Variants in TASP1 observed in about 807,000 individuals in gnomAD.
The protein encoded by TASP1 is taspase 1.
TASP1 carries 16 observed loss-of-function variants against 56.6 expected under a neutral mutation model. The ratio of observed to expected loss-of-function variants is 0.28; its 90% CI spans 0.19 to 0.43. TASP1 has a LOEUF of 0.43. Among genes scored for constraint, TASP1 ranks in the 20% least tolerant of loss-of-function variants. The pLI is 1.00. For synonymous variants in TASP1, 179 were observed against 184.2 expected (o/e 0.97, Z 0.23); for missense variants, 393 against 511.6 (o/e 0.77, Z 2.24).
At chr20:13,485,951 GT>G (rs1440265405) in intron 10 of TASP1, among the ~76,000 whole-genome samples, 1 of 152,192 alleles carries the variant, frequency 6.6e-6, no homozygotes, top group African/African-American at 2.4e-5. Flanking sequence ...ACTACACAAT[GT>G]ATGTCAGAAA....
intron 1 of TASP1, among the ~76,000 whole-genome samples, chr20:13,637,443 T>TGTACAA (rs2049349274): frequency 6.6e-6 from 1 of 152,190 alleles, no homozygotes; most frequent in African/African-American, 2.4e-5. Flanking sequence ...TACACAGATG[T>TGTACAA]TTATAGCAGA....
chr20:13,153,142 G>A, the TASP1 span, among the ~76,000 whole-genome samples: 1 of 152,166 alleles, frequency 6.6e-6, no homozygotes, highest in Non-Finnish European at 1.5e-5. Flanking sequence ...CATTCTTATT[G>A]AGCAAACACT....
chr20:13,159,022 T>C, the TASP1 span, among the ~76,000 whole-genome samples: 5 of 152,206 alleles, frequency 3.3e-5, no homozygotes, highest in African/African-American at 1.2e-4. Context: ...GTAGTTAAGT[T>C]TTCCTGCAAA....
At chr20:13,519,005 A>C (rs2044636786) in intron 10 of TASP1, among the ~76,000 whole-genome samples, 1 of 152,124 alleles carries the variant, frequency 6.6e-6, no homozygotes. Flanking sequence ...ACAGAAAAGA[A>C]CAAAAAAAAT....
At position 13,627,567 on chromosome 20, in the gene TASP1, A is replaced by G. The variant is rs936969139; in HGVS notation, c.146-2315T>C. ...GGAGTTTGAGAGCAGCCTGGCCAAC[A>G]TGGTGAAACCCCATTTCTACTAAAC... On this transcript the variant is annotated intron_variant, in intron 2 of 13. Transcript: ENST00000337743. Among the ~76,000 whole-genome samples the G allele has an allele frequency of 4.6e-5, 7 of 152,090 alleles. No individual in the cohort carries two copies. In the East Asian group the frequency reaches 1.3e-3, roughly 29 times the overall value.
At chr20:13,261,832 C>T in the TASP1 span, among the ~76,000 whole-genome samples, 1 of 152,192 alleles carries the variant, frequency 6.6e-6, no homozygotes, top group Non-Finnish European at 1.5e-5. Flanking sequence ...CTACCCCAGA[C>T]CTCAGCTTCT....
chr20:13,430,019 A>C (rs1482310415), intron 12 of TASP1, among the ~76,000 whole-genome samples: 1 of 152,114 alleles, frequency 6.6e-6, no homozygotes. Flanking sequence ...TAGAGGAAGA[A>C]AGGCTGGAGG....
rs150519380 is a variant in TASP1, at chr20:13,583,758, G to A, written c.404-2777C>T. ...AGGATAAAAGCATAGGCCTCATAAG[G>A]GTATCGTGAGAACTAAATGATTTAA... On this transcript the variant is annotated intron_variant, in intron 5 of 13. Transcript: ENST00000337743. 3.9e-5 allele frequency among the ~76,000 whole-genome samples: 6 copies of A among 152,246 alleles called. No homozygotes were observed. The East Asian group carries it at 7.7e-4, about 20-fold the overall frequency.
At chr20:13,266,649 C>T in the TASP1 span, among the ~76,000 whole-genome samples, 5 of 152,150 alleles carry the variant, frequency 3.3e-5, no homozygotes, top group East Asian at 1.9e-4. Flanking sequence ...GAGCAGGCCC[C>T]CTTGTGTCAC....
chr20:13,320,107 C>T, the TASP1 span, among the ~76,000 whole-genome samples: 1 of 152,190 alleles, frequency 6.6e-6, no homozygotes, highest in African/African-American at 2.4e-5. Flanking sequence ...CCAGGGTCCC[C>T]TCCTGTGAGA....
At chr20:13,293,021 C>G in the TASP1 span, among the ~76,000 whole-genome samples, 1 of 151,556 alleles carries the variant, frequency 6.6e-6, no homozygotes, top group Non-Finnish European at 1.5e-5. Context: ...ATGGTGAAAC[C>G]CCCCCGTCTC....
chr20:13,292,531 A>G, the TASP1 span: 11 of 971,458 alleles, frequency 1.1e-5, no homozygotes, highest in South Asian at 2.9e-5. Flanking sequence ...TGCTTTTGCA[A>G]TGCCATCCTT....
At chr20:13,401,357 C>T (rs2041731960) in intron 13 of TASP1, among the ~76,000 whole-genome samples, 1 of 152,050 alleles carries the variant, frequency 6.6e-6, no homozygotes, top group Admixed American at 6.6e-5. Flanking sequence ...TATATCTACG[C>T]ACCATCCTAA....
At chr20:13,595,552 CA>C (rs1011885317) in intron 4 of TASP1, among the ~76,000 whole-genome samples, 2 of 150,796 alleles carry the variant, frequency 1.3e-5, no homozygotes, top group Admixed American at 6.6e-5. Flanking sequence ...AAATGGAAAG[CA>C]AAAAAAAGCA....
intron 11 of TASP1, among the ~76,000 whole-genome samples, chr20:13,474,428 C>G (rs2044642638): frequency 6.6e-6 from 1 of 152,176 alleles, no homozygotes; most frequent in Admixed American, 6.5e-5. Flanking sequence ...GAATAATGGC[C>G]TCCAGCCCCA....
chr20:13,301,779 C>A, the TASP1 span, among the ~76,000 whole-genome samples: 1 of 151,966 alleles, frequency 6.6e-6, no homozygotes, highest in South Asian at 2.1e-4. Context: ...GGTATTCAAG[C>A]AGAGGCTGGA....
At chr20:13,382,596 T>C in the TASP1 span, among the ~76,000 whole-genome samples, 1 of 152,168 alleles carries the variant, frequency 6.6e-6, no homozygotes, top group East Asian at 1.9e-4. Context: ...TGGTGAGCCA[T>C]GATCGTGCCA....
At chr20:13,306,268 T>C in the TASP1 span, among the ~76,000 whole-genome samples, 2 of 152,138 alleles carry the variant, frequency 1.3e-5, no homozygotes, top group Non-Finnish European at 2.9e-5. Context: ...AAAAAGGAAT[T>C]TTTTTTCTAT....
chr20:13,294,876 G>T, the TASP1 span, among the ~76,000 whole-genome samples: 6 of 152,128 alleles, frequency 3.9e-5, no homozygotes, highest in Admixed American at 1.3e-4. Context: ...GCACAGCAAG[G>T]TAAAATACCT....
Sources: gnomAD v4.1 joint callset for allele counts (sites outside exome capture counted in the v4.1 genomes callset) on GRCh38, gnomAD v4.1.1 for gene constraint, MANE v1.5 for transcripts, NCBI Gene and HGNC (gene_info 2026-07-23, HGNC 2026-07-21) for gene names.